The following SYNE2 variants were observed in gnomAD, a reference collection of about 807,000 sequenced individuals.
The protein encoded by SYNE2 is nesprin-2.
SYNE2 carries 431 observed loss-of-function variants against 856.3 expected under a neutral mutation model. The observed-to-expected ratio is 0.50, with a 90% confidence interval of 0.47 to 0.55. SYNE2 has a LOEUF of 0.55. Ranked by LOEUF, SYNE2 falls within the 20% of genes least tolerant of loss-of-function variation. SYNE2 has a pLI of 0.00. For synonymous variants in SYNE2, 2,923 were observed against 2,872.3 expected, an observed-to-expected ratio of 1.02 and a Z score of -0.56; for missense variants, 8,129 against 8,023.2, an observed-to-expected ratio of 1.01 and a Z score of -0.50.
chr14:64,012,512 A>G (rs80331304), intron 32 of SYNE2, among the ~76,000 whole-genome samples: 2,001 of 152,326 alleles, frequency 0.013, 41 homozygotes, highest in African/African-American at 0.045. Context: ...TGAAGTGTGT[A>G]TATAGTAGAA....
chr14:64,174,819 A>G, intron 94 of SYNE2, 125 bp from the exon 95 acceptor site: 4 of 845,984 alleles, frequency 4.7e-6, no homozygotes, highest in Admixed American at 4.5e-5. Context: ...TTCTGACCCA[A>G]TTTGTCTAAT....
In SYNE2 at chr14:64,218,433, C is replaced by T; in HGVS notation, c.19578C>T (p.Gly6526=). The T allele has an allele frequency of 6.2e-7, 1 of 1,614,068 alleles. No homozygotes were observed. The highest frequency in any genetic ancestry group is 8.5e-7 in the Non-Finnish European group (1 of 1,180,012). Residue 6526 remains glycine (G), a synonymous_variant, in exon 109 of 116, where the codon GGC becomes GGT. Transcript: ENST00000555002. The part of the protein sequence containing the change: ...KLLLPPGTDG[G]KEGPRVLNGN... ...TATTACCTCCAGGCACGGATGGTGG[C>T]AAAGAAGGCCCGCGAGTCCTGAATG...
rs1447072034 is a variant in SYNE2, at chr14:64,048,103, A to T, written c.7325A>T (p.Gln2442Leu). The change falls in exon 46 of 116, where the codon CAA becomes CTA. Residue 2442 changes from glutamine (Q) to leucine (L), a missense_variant. By Grantham distance (113) the Gln-to-Leu change is moderately radical (BLOSUM62 -2). Transcript: ENST00000555002. ...CGGAAAGTCAATGAGCTGCAAAATC[A>T]ACCTTTAGAATTAGATACTATGTTA... Reference protein sequence around the residue: ...DERKVNELQNQPLELDTMLRN... With the variant: ...DERKVNELQNLPLELDTMLRN... The T allele has an allele frequency of 6.2e-7, 1 of 1,613,700 alleles. No individual in the cohort carries two copies. The highest frequency in any genetic ancestry group is 8.5e-7 in the Non-Finnish European group (1 of 1,179,750).
intron 14 of SYNE2, among the ~76,000 whole-genome samples, chr14:63,979,690 A>C (rs906436983): frequency 6.6e-6 from 1 of 152,262 alleles, no homozygotes; most frequent in Admixed American, 6.5e-5. Flanking sequence ...AGGCAGGTGG[A>C]TTGCCTGAGG....
intron 1 of SYNE2, among the ~76,000 whole-genome samples, chr14:63,827,482 G>C (rs1224282869): frequency 6.6e-6 from 1 of 151,292 alleles, no homozygotes. Context: ...AAAATTAGCC[G>C]GGTGTGGTGG....
At chr14:64,182,371 T>C (rs936014797) in intron 96 of SYNE2, among the ~76,000 whole-genome samples, 1 of 148,756 alleles carries the variant, frequency 6.7e-6, no homozygotes, top group African/African-American at 2.5e-5. Flanking sequence ...TTTATTTATT[T>C]TTTATTTTTA....
chr14:64,224,002 G>A (rs770896963), intron 113 of SYNE2, among the ~76,000 whole-genome samples: 3 of 151,748 alleles, frequency 2.0e-5, no homozygotes, highest in African/African-American at 4.8e-5. Flanking sequence ...CTTTTTGTCC[G>A]AAAAAGTCTG....
intron 99 of SYNE2, among the ~76,000 whole-genome samples, chr14:64,192,301 C>T (rs891762884): frequency 2.0e-5 from 3 of 152,052 alleles, no homozygotes; most frequent in Non-Finnish European, 2.9e-5. Context: ...TTCTCGGGCC[C>T]TTGGCACTAG....
chr14:63,866,276 G>A (rs1410855250), intron 1 of SYNE2, among the ~76,000 whole-genome samples: 1 of 152,176 alleles, frequency 6.6e-6, no homozygotes, highest in African/African-American at 2.4e-5. Flanking sequence ...TAAAACAAAA[G>A]AAAATCTCTG....
chr14:63,938,077 G>A (rs927880784), intron 2 of SYNE2, among the ~76,000 whole-genome samples: 1 of 152,142 alleles, frequency 6.6e-6, no homozygotes, highest in Non-Finnish European at 1.5e-5. Context: ...TTGACGCAGG[G>A]CAGAAGACAA....
chr14:63,949,726 C>T (rs2096120628), intron 6 of SYNE2, 99 bp from the exon 7 acceptor site: 2 of 1,194,640 alleles, frequency 1.7e-6, no homozygotes, highest in South Asian at 2.4e-5. Context: ...CTATGACTGT[C>T]ACAGGATGCT....
intron 36 of SYNE2, 44 bp from the exon 37 acceptor site, chr14:64,021,813 G>T (rs776905062): frequency 1.2e-6 from 2 of 1,600,286 alleles, no homozygotes; most frequent in Non-Finnish European, 1.7e-6. Flanking sequence ...TGTAATTTGA[G>T]CCTGTTTTAA....
rs2098554072 is a variant in SYNE2, at chr14:64,199,739, A to C, written c.18039-3062A>C. Among the ~76,000 whole-genome samples the C allele has an allele frequency of 4.0e-5, 6 of 150,554 alleles. No homozygotes were observed. The South Asian group carries it at 1.3e-3, about 32-fold the overall frequency. On this transcript the variant is annotated intron_variant, in intron 99 of 115. Transcript: ENST00000555002. ...AAAAAAAAAAAAAAAAAAAAAAAGT[A>C]CATGAGTTGCTAACATGGAGCACAA...
chr14:64,108,321 C>T (rs2097784353), intron 65 of SYNE2, among the ~76,000 whole-genome samples: 1 of 152,164 alleles, frequency 6.6e-6, no homozygotes. Flanking sequence ...CACTGCACTC[C>T]AGCCTGCCTG....
intron 74 of SYNE2, among the ~76,000 whole-genome samples, chr14:64,128,775 C>G (rs2097977542): frequency 6.6e-6 from 1 of 152,178 alleles, no homozygotes; most frequent in African/African-American, 2.4e-5. Flanking sequence ...TCAACCATGA[C>G]AAAATGTGTA....
intron 1 of SYNE2, among the ~76,000 whole-genome samples, chr14:63,899,374 G>A (rs1488877956): frequency 7.9e-5 from 12 of 152,130 alleles, no homozygotes; most frequent in East Asian, 1.9e-4. Context: ...GCTAATTTTT[G>A]TATTTTTAGT....
chr14:63,793,157 T>G (rs536214293), intron 1 of SYNE2, among the ~76,000 whole-genome samples: 2 of 152,276 alleles, frequency 1.3e-5, no homozygotes, highest in South Asian at 4.1e-4. Flanking sequence ...TCTTTTAGAT[T>G]TGAGAGACTT....
At chr14:64,155,222 C>T (rs77382333) in intron 85 of SYNE2, among the ~76,000 whole-genome samples, 3,455 of 152,228 alleles carry the variant, frequency 0.023, 46 homozygotes, top group African/African-American at 0.038. Context: ...CCCAACTGTC[C>T]ATCTACTAAT....
In SYNE2 at chr14:63,855,443, C is replaced by G. The variant is rs369797319; in HGVS notation, c.-52+2300C>G. 2.6e-4 allele frequency among the ~76,000 whole-genome samples: 39 copies of G among 152,306 alleles called. 1 individual carries two copies. The highest frequency in any genetic ancestry group is 9.1e-4 in the African/African-American group (38 of 41,570). On this transcript the variant is annotated intron_variant, in intron 1 of 115. Transcript: ENST00000555002. ...CCATGCTGTGACTTTCCTATCTTAT[C>G]TGTTGCTCTCCTCCCTACTCGAGTG...
Sources: allele counts gnomAD v4.1 joint callset (sites outside exome capture counted in the v4.1 genomes callset), GRCh38; gene constraint gnomAD v4.1.1; transcripts MANE v1.5; gene names NCBI Gene and HGNC (gene_info 2026-07-23, HGNC 2026-07-21).